Variants in IL1RAPL1 observed in about 807,000 individuals in gnomAD.
The protein encoded by IL1RAPL1 is interleukin 1 receptor accessory protein like 1.
IL1RAPL1 carries 3 observed loss-of-function variants against 48.4 expected under a neutral mutation model. That is an observed-to-expected ratio of 0.06 (90% CI 0.03 to 0.16). IL1RAPL1 has a LOEUF of 0.16. IL1RAPL1 is among the 10% of genes least tolerant of loss of function. The pLI, the probability that IL1RAPL1 is intolerant of heterozygous loss-of-function variation, is 1.00. For synonymous variants in IL1RAPL1, 185 were observed against 187.7 expected, an observed-to-expected ratio of 0.99 and a Z score of 0.12; for missense variants, 349 against 530.6, an observed-to-expected ratio of 0.66 and a Z score of 3.36.
At chrX:29,204,366 ATCC>A (rs1930620793) in intron 2 of IL1RAPL1, among the ~76,000 whole-genome samples, 1 of 111,787 alleles carries the variant, frequency 8.9e-6, no homozygotes, top group Admixed American at 9.5e-5. Context: ...CTTTCCGCAC[ATCC>A]TTGCCACCAT....
At chrX:29,150,932 A>G (rs780912464) in intron 2 of IL1RAPL1, among the ~76,000 whole-genome samples, 8 of 108,748 alleles carry the variant, frequency 7.4e-5, no homozygotes, top group African/African-American at 2.0e-4. Context: ...AAAAAAAAAA[A>G]AAAAGAAAAA....
chrX:28,804,155 G>A (rs1362850067), intron 2 of IL1RAPL1, among the ~76,000 whole-genome samples: 1 of 110,864 alleles, frequency 9.0e-6, no homozygotes, highest in African/African-American at 3.3e-5. Flanking sequence ...GGAACTGGTG[G>A]TGCTATAGGC....
chrX:29,555,875 G>A (rs1263433342), intron 5 of IL1RAPL1, among the ~76,000 whole-genome samples: 2 of 112,080 alleles, frequency 1.8e-5, no homozygotes. Flanking sequence ...AATTAACTTG[G>A]CCATGCTGAG....
At chrX:28,891,223 G>A (rs1007298884) in intron 2 of IL1RAPL1, among the ~76,000 whole-genome samples, 1 of 111,408 alleles carries the variant, frequency 9.0e-6, no homozygotes, top group African/African-American at 3.3e-5. Flanking sequence ...TCAGTCAATT[G>A]GTCATGTGTC....
chrX:29,165,079 G>C (rs772778810), intron 2 of IL1RAPL1, among the ~76,000 whole-genome samples: 6 of 112,007 alleles, frequency 5.4e-5, no homozygotes, highest in African/African-American at 1.9e-4. Flanking sequence ...AGCACTTTAG[G>C]GGGCCGAGGC....
intron 2 of IL1RAPL1, among the ~76,000 whole-genome samples, chrX:29,228,166 G>A (rs1344167239): frequency 4.8e-5 from 4 of 82,674 alleles, no homozygotes; most frequent in South Asian, 6.9e-4. Flanking sequence ...AACCATCTCC[G>A]GACACACGCG....
At chrX:29,692,639 T>G (rs1926804095) in intron 6 of IL1RAPL1, among the ~76,000 whole-genome samples, 1 of 112,258 alleles carries the variant, frequency 8.9e-6, no homozygotes, top group South Asian at 3.7e-4. Flanking sequence ...CTGAAAACAT[T>G]GAAGTTAGTT....
At chrX:29,043,455 C>CT (rs780052718) in intron 2 of IL1RAPL1, among the ~76,000 whole-genome samples, 2 of 110,718 alleles carry the variant, frequency 1.8e-5, no homozygotes, top group South Asian at 7.7e-4. Context: ...AGTCACTTAA[C>CT]TTTTTTTCCG....
At chrX:28,831,190 C>T (rs1921046330) in intron 2 of IL1RAPL1, among the ~76,000 whole-genome samples, 1 of 95,582 alleles carries the variant, frequency 1.0e-5, no homozygotes, top group Admixed American at 1.3e-4. Context: ...CTTTTCTGGG[C>T]ATGACTATAG....
chrX:28,799,221 G>A (rs907825770), intron 2 of IL1RAPL1, among the ~76,000 whole-genome samples: 2 of 112,096 alleles, frequency 1.8e-5, no homozygotes, highest in Non-Finnish European at 3.8e-5. Context: ...CCAAAGCACA[G>A]AAACTTGAAA....
At chrX:28,896,888 C>T (rs923983958) in intron 2 of IL1RAPL1, among the ~76,000 whole-genome samples, 1 of 110,650 alleles carries the variant, frequency 9.0e-6, no homozygotes, top group African/African-American at 3.3e-5. Context: ...GCCCATTTTA[C>T]GACAAGAATT....
intron 1 of IL1RAPL1, among the ~76,000 whole-genome samples, chrX:28,781,024 A>C (rs1936417884): frequency 9.0e-6 from 1 of 111,405 alleles, no homozygotes; most frequent in Non-Finnish European, 1.9e-5. Context: ...ATCTCTTTAC[A>C]TAAATCTGTC....
chrX:29,917,034 C>T (rs758831053), intron 6 of IL1RAPL1, among the ~76,000 whole-genome samples: 1 of 112,175 alleles, frequency 8.9e-6, no homozygotes, highest in South Asian at 3.7e-4. Context: ...TTTTCTATCT[C>T]CCACATTCGA....
At chrX:29,635,211 A>G (rs932056421) in intron 5 of IL1RAPL1, among the ~76,000 whole-genome samples, 1 of 111,791 alleles carries the variant, frequency 8.9e-6, no homozygotes, top group Non-Finnish European at 1.9e-5. Context: ...CTGGTTTTCC[A>G]TGTTTAAAGG....
intron 6 of IL1RAPL1, among the ~76,000 whole-genome samples, chrX:29,769,031 C>T (rs1215336049): frequency 9.0e-6 from 1 of 111,018 alleles, no homozygotes; most frequent in Non-Finnish European, 1.9e-5. Context: ...TCAGCAGTAA[C>T]TCCCCCATTC....
chrX:29,147,059 C>G (rs1350966389), intron 2 of IL1RAPL1, among the ~76,000 whole-genome samples: 1 of 112,464 alleles, frequency 8.9e-6, no homozygotes, highest in Non-Finnish European at 1.9e-5. Flanking sequence ...AGTGGCAATT[C>G]CAAGGAAGTT....
intron 1 of IL1RAPL1, among the ~76,000 whole-genome samples, chrX:28,784,894 C>T: frequency 9.0e-6 from 1 of 111,582 alleles, no homozygotes; most frequent in Non-Finnish European, 1.9e-5. Context: ...CCTCAGTTTA[C>T]ATATGTCATC....
intron 5 of IL1RAPL1, among the ~76,000 whole-genome samples, chrX:29,531,856 CTG>C (rs761874326): frequency 1.8e-5 from 2 of 111,929 alleles, no homozygotes; most frequent in African/African-American, 6.5e-5. Context: ...CCCTGTATCT[CTG>C]TGTCTTCACA....
chrX:28,909,171 C>T (rs780383678), intron 2 of IL1RAPL1, among the ~76,000 whole-genome samples: 1 of 111,578 alleles, frequency 9.0e-6, no homozygotes, highest in Admixed American at 9.5e-5. Context: ...TGTATTTTGA[C>T]CATTCACATT....
Sources: gnomAD v4.1 joint callset for allele counts (sites outside exome capture counted in the v4.1 genomes callset) on GRCh38, gnomAD v4.1.1 for gene constraint, MANE v1.5 for transcripts, NCBI Gene and HGNC (gene_info 2026-07-23, HGNC 2026-07-21) for gene names.